Variants in NCAM1 observed in about 807,000 individuals in gnomAD.
NCAM1 encodes the protein neural cell adhesion molecule 1, also known as antigen recognized by monoclonal antibody 5.1H11.
NCAM1 carries 14 observed loss-of-function variants against 109.8 expected under a neutral mutation model. That is an observed-to-expected ratio of 0.13 (90% CI 0.08 to 0.20). The LOEUF (loss-of-function observed/expected upper bound fraction) is 0.20, where lower values mean the gene tolerates loss of function less well. Among genes scored for constraint, NCAM1 ranks in the 10% least tolerant of loss-of-function variants. The pLI, the probability that NCAM1 is intolerant of heterozygous loss-of-function variation, is 1.00. For synonymous variants in NCAM1, 418 were observed against 442.9 expected, an observed-to-expected ratio of 0.94 and a Z score of 0.70; for missense variants, 774 against 1,109.9, an observed-to-expected ratio of 0.70 and a Z score of 4.30.
rs376234198 is a variant in NCAM1, at chr11:113,232,161, T to C, written c.1241-9T>C. On this transcript the variant is annotated splice_polypyrimidine_tract_variant and intron_variant, in intron 10 of 19. Coordinates refer to ENST00000316851, the MANE Select transcript of NCAM1 (RefSeq NM_181351.5). ...CAGTCATCCTGACAGTCATTGTTAT[T>C]TATTGCAGATGCCCCAAAGCTACAG... is the stretch of plus-strand genomic sequence containing the variant. 78 of 1,577,056 alleles carry C rather than the reference T, an allele frequency of 4.9e-5. No individual in the cohort carries two copies. Among genetic ancestry groups the C allele is most frequent in the Non-Finnish European group, 1.2e-5 (14 of 1,163,714 alleles).
rs181729481 is a variant in NCAM1, at chr11:113,204,491, C to T, written c.333C>T (p.Asn111=). The change falls in exon 3 of 20, where the codon AAC becomes AAT. Residue 111 remains asparagine, a synonymous_variant. Coordinates refer to ENST00000316851, the MANE Select transcript of NCAM1 (RefSeq NM_181351.5). ...GCAGTGAGTCAGAGGCCACCGTCAA[C>T]GTGAAGATCTTTCGTAAGAGCCTCC... ...EDGSESEATV[N]VKIFQKLMFK... is the part of the protein sequence containing the mutation. 6.3e-5 allele frequency: 101 copies of T among 1,613,932 alleles called. No individual in the cohort carries two copies. In the Admixed American group the frequency reaches 1.3e-3, roughly 21 times the overall value.
rs1422244665 is a variant in NCAM1 at position 113,011,663 on chromosome 11, A to G, written c.52+49999A>G. ...AGCAGGTGAGGAGAAGGGTAGAAAA[A>G]TAGAGAGATGGTAGCAGTGGTACCT... On this transcript the variant is annotated intron_variant, in intron 1 of 19. Transcript: ENST00000316851. Among the ~76,000 whole-genome samples, 3 of 152,168 alleles carry G rather than the reference A, an allele frequency of 2.0e-5. No homozygotes were observed. In the East Asian group the frequency reaches 5.8e-4, roughly 29 times the overall value.
At chr11:113,030,869 T>A (rs1555078232) in intron 1 of NCAM1, among the ~76,000 whole-genome samples, 1 of 152,218 alleles carries the variant, frequency 6.6e-6, no homozygotes, top group Non-Finnish European at 1.5e-5. Context: ...AAACCTCACC[T>A]AGATATTTCA....
At chr11:112,968,810 A>G (rs7948789) in intron 1 of NCAM1, among the ~76,000 whole-genome samples, 74,364 of 151,968 alleles carry the variant, frequency 0.49, 19,048 homozygotes, top group East Asian at 0.8. Context: ...TGGTATTCTC[A>G]TTTTAGGGCA....
intron 1 of NCAM1, among the ~76,000 whole-genome samples, chr11:113,025,095 T>G (rs998392788): frequency 1.3e-5 from 2 of 152,256 alleles, no homozygotes; most frequent in African/African-American, 4.8e-5. Context: ...GCTTTGTTGT[T>G]AAAATATTTG....
intron 8 of NCAM1, among the ~76,000 whole-genome samples, chr11:113,215,204 T>C (rs767455127): frequency 6.6e-6 from 1 of 152,214 alleles, no homozygotes; most frequent in East Asian, 1.9e-4. Context: ...GCTATCTTTA[T>C]TGTTGACAAT....
At chr11:113,039,254 G>A (rs1457892627) in intron 1 of NCAM1, among the ~76,000 whole-genome samples, 2 of 152,154 alleles carry the variant, frequency 1.3e-5, no homozygotes, top group East Asian at 1.9e-4. Context: ...GGCTTTTCCT[G>A]GCGAGGTTTT....
chr11:113,106,577 A>C (rs1466011308), intron 1 of NCAM1, among the ~76,000 whole-genome samples: 1 of 152,214 alleles, frequency 6.6e-6, no homozygotes, highest in African/African-American at 2.4e-5. Flanking sequence ...ATCTGCTTCC[A>C]CTAAGACAAA....
chr11:113,009,331 T>TTTG (rs1565379750), intron 1 of NCAM1, among the ~76,000 whole-genome samples: 6 of 136,646 alleles, frequency 4.4e-5, no homozygotes, highest in Admixed American at 7.5e-5. Context: ...TTTTTTTTTT[T>TTTG]TTTTTTTTTT....
At chr11:113,177,000 A>G (rs1377773293) in intron 1 of NCAM1, among the ~76,000 whole-genome samples, 1 of 152,192 alleles carries the variant, frequency 6.6e-6, no homozygotes, top group East Asian at 1.9e-4. Context: ...TTGACTTTGC[A>G]AGGTTGCAAT....
At chr11:112,991,057 C>A (rs4456284) in intron 1 of NCAM1, among the ~76,000 whole-genome samples, 3 of 151,872 alleles carry the variant, frequency 2.0e-5, no homozygotes, top group Non-Finnish European at 4.4e-5. Context: ...GTTTTCTGCA[C>A]GTGTTTTGCC....
At chr11:113,015,937 G>A (rs1214617402) in intron 1 of NCAM1, among the ~76,000 whole-genome samples, 3 of 152,132 alleles carry the variant, frequency 2.0e-5, no homozygotes, top group African/African-American at 7.2e-5. Context: ...TGAGATGAGA[G>A]AACTTAGCTT....
rs561813171 is a variant in NCAM1 at position 113,123,252 on chromosome 11, G to A, written c.53-79127G>A. 4.6e-5 allele frequency among the ~76,000 whole-genome samples: 7 copies of A among 152,272 alleles called. No individual in the cohort carries two copies. The East Asian group carries it at 1.2e-3, about 25-fold the overall frequency. Reference sequence around the variant, plus strand: ...CAAAGAAATGATAAACGTTCCTGGCGATGGATAATCTAAACACCCTGGTTT... The same window carrying A: ...CAAAGAAATGATAAACGTTCCTGGCAATGGATAATCTAAACACCCTGGTTT... On this transcript the variant is annotated intron_variant, in intron 1 of 19. Transcript: ENST00000316851.
chr11:113,117,477 C>G (rs1319830715), intron 1 of NCAM1, among the ~76,000 whole-genome samples: 2 of 151,964 alleles, frequency 1.3e-5, no homozygotes, highest in African/African-American at 4.9e-5. Flanking sequence ...CCCCGCAGCT[C>G]AGACCAACTA....
chr11:113,065,439 T>A (rs1555084059), intron 1 of NCAM1, among the ~76,000 whole-genome samples: 1 of 152,134 alleles, frequency 6.6e-6, no homozygotes. Context: ...AAAGAGTAAC[T>A]TCACAGGGGA....
intron 1 of NCAM1, among the ~76,000 whole-genome samples, chr11:113,092,628 T>C (rs1939402430): frequency 6.6e-6 from 1 of 152,224 alleles, no homozygotes; most frequent in Non-Finnish European, 1.5e-5. Flanking sequence ...ATTCTTAAGA[T>C]GTTAGTGAAC....
At chr11:113,270,514 T>C in intron 18 of NCAM1, 119 bp downstream of exon 18, 1 of 930,116 alleles carries the variant, frequency 1.1e-6, no homozygotes, top group Non-Finnish European at 1.6e-6. Flanking sequence ...CGTTCTCCAT[T>C]TGGAACCCTG....
intron 7 of NCAM1, among the ~76,000 whole-genome samples, 154 bp from the exon 8 acceptor site, chr11:113,214,215 G>A (rs1318880448): frequency 1.3e-5 from 2 of 152,202 alleles, no homozygotes; most frequent in African/African-American, 4.8e-5. Context: ...ATCATTGTAA[G>A]CCTTGGAGAG....
At chr11:113,221,434 A>G (rs1944691202) in intron 9 of NCAM1, 109 bp downstream of exon 9, 3 of 1,183,558 alleles carry the variant, frequency 2.5e-6, no homozygotes, top group African/African-American at 1.5e-5. Context: ...TAATTTAGCT[A>G]AAGAATAGGT....
Sources: gnomAD v4.1 joint callset for allele counts (sites outside exome capture counted in the v4.1 genomes callset) on GRCh38, gnomAD v4.1.1 for gene constraint, MANE v1.5 for transcripts, NCBI Gene and HGNC (gene_info 2026-07-23, HGNC 2026-07-21) for gene names.